The following FRMD5 variants were observed in gnomAD, a reference collection of about 807,000 sequenced individuals.
The protein encoded by FRMD5 is FERM domain-containing protein 5.
A neutral mutation model predicts 69.0 loss-of-function variants in FRMD5; 20 were observed. The observed-to-expected ratio is 0.29, with a 90% confidence interval of 0.20 to 0.42. FRMD5 has a LOEUF of 0.42. Ranked by LOEUF, FRMD5 falls within the 10% of genes least tolerant of loss-of-function variation. The probability of loss-of-function intolerance (pLI) is 1.00; values close to 1 mark genes in which losing one functional copy is unlikely to be tolerated. For synonymous variants in FRMD5, 271 were observed against 260.1 expected, an observed-to-expected ratio of 1.04 and a Z score of -0.40; for missense variants, 595 against 708.6, an observed-to-expected ratio of 0.84 and a Z score of 1.82.
intron 1 of FRMD5, among the ~76,000 whole-genome samples, chr15:44,156,775 T>G (rs1237179859): frequency 1.3e-5 from 2 of 152,140 alleles, no homozygotes; most frequent in African/African-American, 2.4e-5. Flanking sequence ...GTAATACACA[T>G]CAGGAATGTA....
intron 1 of FRMD5, among the ~76,000 whole-genome samples, chr15:43,983,463 T>G (rs909636971): frequency 1.3e-5 from 2 of 152,206 alleles, no homozygotes; most frequent in African/African-American, 4.8e-5. Flanking sequence ...ACTAGTTTCC[T>G]TGATCTGGTT....
chr15:44,170,790 T>C (rs977190970), intron 1 of FRMD5, among the ~76,000 whole-genome samples: 3 of 152,214 alleles, frequency 2.0e-5, no homozygotes, highest in African/African-American at 4.8e-5. Context: ...CCTTACCCAG[T>C]TGGTTATACT....
At chr15:43,952,026 G>GTGTGTGTGTGTGTGTGTT (rs2090043981) in intron 1 of FRMD5, among the ~76,000 whole-genome samples, 6 of 149,610 alleles carry the variant, frequency 4.0e-5, no homozygotes, top group African/African-American at 1.5e-4. Flanking sequence ...GTGTGTGTGT[G>GTGTGTGTGTGTGTGTGTT]TGTGTGTGTG....
intron 1 of FRMD5, among the ~76,000 whole-genome samples, chr15:44,184,820 T>C (rs541608476): frequency 1.4e-4 from 21 of 152,336 alleles, no homozygotes; most frequent in African/African-American, 4.1e-4. Flanking sequence ...AGCCAGAAAG[T>C]AGCTTATGTG....
chr15:44,166,805 A>AAAG (rs1566981005), intron 1 of FRMD5, among the ~76,000 whole-genome samples: 7 of 151,108 alleles, frequency 4.6e-5, no homozygotes, highest in South Asian at 2.1e-4. Context: ...AAAAAAAAAA[A>AAAG]AAGAAGAAAG....
chr15:43,975,464 G>A (rs1367814920), intron 1 of FRMD5, among the ~76,000 whole-genome samples: 2 of 152,104 alleles, frequency 1.3e-5, no homozygotes, highest in African/African-American at 4.8e-5. Context: ...TAGAGAAGAG[G>A]AAACCTGAAG....
chr15:43,999,613 T>C (rs1444542215), intron 1 of FRMD5, among the ~76,000 whole-genome samples: 1 of 152,162 alleles, frequency 6.6e-6, no homozygotes, highest in Non-Finnish European at 1.5e-5. Context: ...ACCTGACTCC[T>C]GGTAACTACT....
At chr15:44,096,110 G>A (rs911595964) in intron 1 of FRMD5, among the ~76,000 whole-genome samples, 7 of 149,364 alleles carry the variant, frequency 4.7e-5, no homozygotes, top group African/African-American at 1.5e-4. Flanking sequence ...GGAGGCTGAG[G>A]CAGGAGAATC....
intron 1 of FRMD5, among the ~76,000 whole-genome samples, chr15:43,930,858 C>T (rs989446952): frequency 1.8e-4 from 27 of 152,230 alleles, no homozygotes; most frequent in African/African-American, 3.6e-4. Flanking sequence ...GGTCACCGTG[C>T]GCAAGGAAAT....
At chr15:43,881,801 G>A (rs1307647089) in intron 13 of FRMD5, among the ~76,000 whole-genome samples, 1 of 152,194 alleles carries the variant, frequency 6.6e-6, no homozygotes, top group Non-Finnish European at 1.5e-5. Context: ...ACCATAGGGA[G>A]TTACATACTA....
intron 1 of FRMD5, among the ~76,000 whole-genome samples, chr15:43,970,707 C>T (rs2090361979): frequency 6.6e-6 from 1 of 152,172 alleles, no homozygotes; most frequent in Admixed American, 6.5e-5. Flanking sequence ...TATGCCTTGG[C>T]CTCCCAAAGT....
At chr15:44,168,723 A>G (rs2077750962) in intron 1 of FRMD5, among the ~76,000 whole-genome samples, 1 of 152,182 alleles carries the variant, frequency 6.6e-6, no homozygotes, top group Non-Finnish European at 1.5e-5. Flanking sequence ...AATTCAAATA[A>G]TTTGCCAATA....
At chr15:44,038,906 C>A (rs1595657853) in intron 1 of FRMD5, among the ~76,000 whole-genome samples, 1 of 152,286 alleles carries the variant, frequency 6.6e-6, no homozygotes, top group South Asian at 2.1e-4. Context: ...GGTCCCACCC[C>A]CATAGAGCCG....
chr15:44,171,205 TAA>T (rs1364341800), intron 1 of FRMD5, among the ~76,000 whole-genome samples: 2 of 152,248 alleles, frequency 1.3e-5, no homozygotes, highest in East Asian at 1.9e-4. Flanking sequence ...CAAAATATAC[TAA>T]GTTATCACAG....
At chr15:44,036,777 G>A (rs1389510412) in intron 1 of FRMD5, among the ~76,000 whole-genome samples, 6 of 151,876 alleles carry the variant, frequency 4.0e-5, no homozygotes, top group Non-Finnish European at 7.4e-5. Flanking sequence ...TTTGTTTTGT[G>A]CATCGGCCTT....
chr15:43,902,973 G>T (rs2089082690), intron 6 of FRMD5, among the ~76,000 whole-genome samples: 1 of 152,186 alleles, frequency 6.6e-6, no homozygotes, highest in Non-Finnish European at 1.5e-5. Context: ...AGACAGTGCT[G>T]AGCTCCCATG....
At chr15:44,007,390 T>G (rs1328288484) in intron 1 of FRMD5, among the ~76,000 whole-genome samples, 1 of 152,070 alleles carries the variant, frequency 6.6e-6, no homozygotes, top group South Asian at 2.1e-4. Context: ...TGCCTACATA[T>G]ATATAAACCT....
At chr15:44,115,776 T>A (rs1379118458) in intron 1 of FRMD5, among the ~76,000 whole-genome samples, 1 of 152,152 alleles carries the variant, frequency 6.6e-6, no homozygotes, top group Non-Finnish European at 1.5e-5. Flanking sequence ...TCAGAGGAAA[T>A]CTGAGTTCTA....
chr15:44,076,070 T>C (rs576295712), intron 1 of FRMD5, among the ~76,000 whole-genome samples: 1 of 152,278 alleles, frequency 6.6e-6, no homozygotes, highest in South Asian at 2.1e-4. Context: ...TATTAGCCCT[T>C]TGTCAGATGA....
Sources: gnomAD v4.1 joint callset for allele counts (sites outside exome capture counted in the v4.1 genomes callset) on GRCh38, gnomAD v4.1.1 for gene constraint, MANE v1.5 for transcripts, NCBI Gene and HGNC (gene_info 2026-07-23, HGNC 2026-07-21) for gene names.